Variants in ADAMTSL3 observed in about 807,000 individuals in gnomAD.
ADAMTSL3 encodes the protein ADAMTS like 3, also known as ADAMTS-like protein 3.
ADAMTSL3 carries 128 observed loss-of-function variants against 201.7 expected under a neutral mutation model. The ratio of observed to expected loss-of-function variants is 0.63; its 90% CI spans 0.55 to 0.73. The LOEUF (loss-of-function observed/expected upper bound fraction) is 0.73, where lower values mean the gene tolerates loss of function less well. ADAMTSL3 is among the 30% of genes least tolerant of loss of function. ADAMTSL3 has a pLI of 0.00. For missense variants in ADAMTSL3, 1,990 were observed against 2,119.6 expected (o/e 0.94, Z 1.20); for synonymous variants, 738 against 748.4 (o/e 0.99, Z 0.23).
chr15:83,859,539 G>A lies in ADAMTSL3; in HGVS notation c.802+699G>A, dbSNP rs192508253. Among the ~76,000 whole-genome samples the A allele has an allele frequency of 3.4e-4, 52 of 152,320 alleles. No homozygotes were observed. The East Asian group carries it at 8.7e-3, about 25-fold the overall frequency. ...GTTTCTATAGGGAACCATACATCCT[G>A]TGACTCTAACTTTTTCTGGCTATTG... On this transcript the variant is annotated intron_variant, in intron 8 of 29. Coordinates refer to ENST00000286744, the MANE Select transcript of ADAMTSL3 (RefSeq NM_207517.3).
intron 23 of ADAMTSL3, among the ~76,000 whole-genome samples, chr15:83,999,469 G>A (rs1245295378): frequency 2.0e-5 from 3 of 152,056 alleles, no homozygotes; most frequent in East Asian, 3.9e-4. Flanking sequence ...ATACATTATC[G>A]CCAAATTGCC....
intron 3 of ADAMTSL3, among the ~76,000 whole-genome samples, chr15:83,727,005 G>T (rs2062187198): frequency 6.6e-6 from 1 of 151,994 alleles, no homozygotes; most frequent in Non-Finnish European, 1.5e-5. Flanking sequence ...GAATTCAGTA[G>T]TGAAGCCATT....
At chr15:83,923,181 G>A (rs2066179950) in intron 16 of ADAMTSL3, among the ~76,000 whole-genome samples, 1 of 152,118 alleles carries the variant, frequency 6.6e-6, no homozygotes, top group South Asian at 2.1e-4. Context: ...GAATTAGGAG[G>A]CAGGGAATTT....
intron 6 of ADAMTSL3, among the ~76,000 whole-genome samples, chr15:83,834,128 G>T (rs1596294187): frequency 6.6e-6 from 1 of 152,180 alleles, no homozygotes; most frequent in South Asian, 2.1e-4. Flanking sequence ...GTTGACAGGA[G>T]CCTCAGCTCT....
At chr15:83,909,482 C>T (rs772358885) in intron 15 of ADAMTSL3, among the ~76,000 whole-genome samples, 4 of 152,136 alleles carry the variant, frequency 2.6e-5, no homozygotes, top group Non-Finnish European at 5.9e-5. Flanking sequence ...ATCCAGTTAT[C>T]TTCAATATTG....
intron 9 of ADAMTSL3, among the ~76,000 whole-genome samples, chr15:83,875,344 T>C (rs1377086719): frequency 6.6e-6 from 1 of 152,230 alleles, no homozygotes; most frequent in Non-Finnish European, 1.5e-5. Context: ...GTACCCTTGC[T>C]GTGCTTAGTC....
At chr15:83,712,910 C>G (rs1188595493) in intron 3 of ADAMTSL3, among the ~76,000 whole-genome samples, 1 of 152,132 alleles carries the variant, frequency 6.6e-6, no homozygotes, top group Non-Finnish European at 1.5e-5. Context: ...AATCCTGCAG[C>G]CTCTCTCTAA....
intron 5 of ADAMTSL3, among the ~76,000 whole-genome samples, chr15:83,807,564 A>G (rs2063620400): frequency 6.6e-6 from 1 of 152,248 alleles, no homozygotes; most frequent in Non-Finnish European, 1.5e-5. Context: ...AAAGTGATAT[A>G]CAGATTTAAT....
intron 20 of ADAMTSL3, among the ~76,000 whole-genome samples, chr15:83,980,940 A>C (rs1391705848): frequency 6.6e-6 from 1 of 152,234 alleles, no homozygotes; most frequent in Non-Finnish European, 1.5e-5. Context: ...GAGAAGTCTC[A>C]ATCTGCTTCT....
At chr15:83,887,664 A>G (rs1161102249) in intron 10 of ADAMTSL3, among the ~76,000 whole-genome samples, 1 of 152,198 alleles carries the variant, frequency 6.6e-6, no homozygotes, top group African/African-American at 2.4e-5. Flanking sequence ...CAAGTTGCCC[A>G]GGCTAGACTC....
rs376531402 is a variant in ADAMTSL3, at chr15:83,714,995, G to C, written c.189+10487G>C. On this transcript the variant is annotated intron_variant, in intron 3 of 29. Coordinates refer to ENST00000286744, the MANE Select transcript of ADAMTSL3 (RefSeq NM_207517.3). Reference sequence around the variant, plus strand: ...TTTTCTTATAGCATTTTGACCTCCTGACCCACTGTAACCTTCATGGGTTGT... The same window carrying C: ...TTTTCTTATAGCATTTTGACCTCCTCACCCACTGTAACCTTCATGGGTTGT... Among the ~76,000 whole-genome samples the C allele has an allele frequency of 1.0e-4, 15 of 148,762 alleles. No homozygotes were observed. In the East Asian group the frequency reaches 2.4e-3, roughly 24 times the overall value.
intron 16 of ADAMTSL3, among the ~76,000 whole-genome samples, chr15:83,920,150 C>G (rs2066110613): frequency 6.6e-6 from 1 of 152,218 alleles, no homozygotes; most frequent in Non-Finnish European, 1.5e-5. Flanking sequence ...TTCCTTTCTA[C>G]AAATGGTAAC....
intron 6 of ADAMTSL3, 66 bp downstream of exon 6, chr15:83,820,113 AC>A: frequency 1.5e-6 from 2 of 1,376,742 alleles, no homozygotes; most frequent in Non-Finnish European, 2.1e-6. Context: ...AATAAACAGA[AC>A]CCTTTTCTTC....
intron 2 of ADAMTSL3, among the ~76,000 whole-genome samples, chr15:83,667,466 T>C (rs182460778): frequency 6.6e-6 from 1 of 151,158 alleles, no homozygotes; most frequent in East Asian, 1.9e-4. Context: ...GAACAGTTTA[T>C]CTCTAATGAA....
intron 4 of ADAMTSL3, among the ~76,000 whole-genome samples, chr15:83,797,589 A>G (rs2063448234): frequency 6.6e-6 from 1 of 152,200 alleles, no homozygotes; most frequent in Admixed American, 6.5e-5. Flanking sequence ...TGAGAGAGCA[A>G]AACTCTGTCT....
intron 3 of ADAMTSL3, among the ~76,000 whole-genome samples, chr15:83,729,798 A>T (rs557135010): frequency 6.6e-6 from 1 of 152,092 alleles, no homozygotes; most frequent in East Asian, 1.9e-4. Context: ...GTTTTCCTGG[A>T]TGGGCTTGAT....
intron 2 of ADAMTSL3, among the ~76,000 whole-genome samples, chr15:83,698,390 A>G (rs2061717332): frequency 6.6e-6 from 1 of 152,102 alleles, no homozygotes; most frequent in Non-Finnish European, 1.5e-5. Flanking sequence ...TCTCATATTC[A>G]TAGTCCCTGG....
chr15:83,896,286 C>G (rs377078581), intron 13 of ADAMTSL3, among the ~76,000 whole-genome samples: 2 of 152,184 alleles, frequency 1.3e-5, no homozygotes, highest in Non-Finnish European at 2.9e-5. Context: ...CCCTCAGCCC[C>G]TCCCTGGGGT....
chr15:83,743,919 C>T (rs1028203737), intron 3 of ADAMTSL3, among the ~76,000 whole-genome samples: 2 of 150,922 alleles, frequency 1.3e-5, no homozygotes, highest in Admixed American at 6.6e-5. Flanking sequence ...GGTGTGATCT[C>T]GGTTCACTGC....
Sources: allele counts gnomAD v4.1 joint callset (sites outside exome capture counted in the v4.1 genomes callset), GRCh38; gene constraint gnomAD v4.1.1; transcripts MANE v1.5; gene names NCBI Gene and HGNC (gene_info 2026-07-23, HGNC 2026-07-21).